Variants in MAP4 observed in about 807,000 individuals in gnomAD.
The protein encoded by MAP4 is microtubule associated protein 4, also known as microtubule-associated protein 4.
MAP4 carries 76 observed loss-of-function variants against 170.2 expected under a neutral mutation model. That is an observed-to-expected ratio of 0.45 (90% confidence interval 0.37 to 0.54). The LOEUF is 0.54. Ranked by LOEUF, MAP4 falls within the 20% of genes least tolerant of loss-of-function variation. MAP4 has a pLI of 0.00. For missense variants in MAP4, 2,506 were observed against 2,748.0 expected (o/e 0.91, Z 1.97); for synonymous variants, 909 against 994.5 (o/e 0.91, Z 1.62).
At chr3:48,085,838 C>T (rs1256089310) in intron 1 of MAP4, among the ~76,000 whole-genome samples, 5 of 151,984 alleles carry the variant, frequency 3.3e-5, no homozygotes, top group Admixed American at 2.6e-4. Context: ...AGGCGGAACA[C>T]GAGGTCAGGA....
intron 3 of MAP4, among the ~76,000 whole-genome samples, chr3:47,953,521 C>G (rs2100065845): frequency 6.6e-6 from 1 of 151,998 alleles, no homozygotes; most frequent in Non-Finnish European, 1.5e-5. Context: ...GAGCCTGTCT[C>G]TAAATAAATA....
At chr3:47,948,635 T>G (rs751083993) in intron 3 of MAP4, among the ~76,000 whole-genome samples, 4 of 151,522 alleles carry the variant, frequency 2.6e-5, no homozygotes, top group Non-Finnish European at 5.9e-5. Flanking sequence ...AATTTTCTTT[T>G]TTTTGAGACA....
intron 2 of MAP4, among the ~76,000 whole-genome samples, chr3:47,994,983 G>C (rs1296126329): frequency 6.6e-6 from 1 of 151,164 alleles, no homozygotes. Flanking sequence ...AACTCAGAAA[G>C]ACTACTCCAG....
intron 17 of MAP4, among the ~76,000 whole-genome samples, chr3:47,862,246 T>C (rs567231487): frequency 6.8e-6 from 1 of 146,334 alleles, no homozygotes; most frequent in South Asian, 2.1e-4. Context: ...TAGGAATATA[T>C]CCTAGAGAAA....
intron 1 of MAP4, among the ~76,000 whole-genome samples, chr3:48,045,188 G>GC (rs2100123780): frequency 6.6e-6 from 1 of 150,580 alleles, no homozygotes; most frequent in East Asian, 1.9e-4. Context: ...AACCCAGGAG[G>GC]CGGAGGTTGC....
intron 3 of MAP4, among the ~76,000 whole-genome samples, chr3:47,937,656 C>CTTTTTTT (rs71070243): frequency 3.8e-4 from 41 of 107,904 alleles, no homozygotes; most frequent in Non-Finnish European, 4.9e-4. Flanking sequence ...TTTTCTTCTT[C>CTTTTTTT]TTTTTTTTTT....
intron 3 of MAP4, among the ~76,000 whole-genome samples, chr3:47,966,789 T>C (rs1281135695): frequency 6.6e-6 from 1 of 152,224 alleles, no homozygotes; most frequent in African/African-American, 2.4e-5. Flanking sequence ...CATCTTACCA[T>C]GTATAAAAGA....
intron 3 of MAP4, among the ~76,000 whole-genome samples, chr3:47,934,349 C>T (rs2100051537): frequency 6.6e-6 from 1 of 152,202 alleles, no homozygotes; most frequent in African/African-American, 2.4e-5. Context: ...GTCTCCCAGG[C>T]TGGAATCCAG....
intron 1 of MAP4, among the ~76,000 whole-genome samples, chr3:48,030,034 T>G (rs1293063478): frequency 6.8e-6 from 1 of 147,764 alleles, no homozygotes. Context: ...TATATTCATA[T>G]GTAATATTAT....
intron 10 of MAP4, among the ~76,000 whole-genome samples, chr3:47,887,602 C>T (rs370537387): frequency 6.6e-6 from 1 of 152,240 alleles, no homozygotes; most frequent in African/African-American, 2.4e-5. Flanking sequence ...CGCACCACGG[C>T]GCAGGACTGG....
At chr3:47,995,637 A>T (rs1475421353) in intron 2 of MAP4, among the ~76,000 whole-genome samples, 3 of 152,112 alleles carry the variant, frequency 2.0e-5, no homozygotes, top group African/African-American at 7.2e-5. Flanking sequence ...CAACACACAA[A>T]TTAAACATAT....
chr3:48,018,977 T>C (rs2154473293), upstream of MAP4, among the ~76,000 whole-genome samples: 1 of 152,230 alleles, frequency 6.6e-6, no homozygotes, highest in East Asian at 1.9e-4. Flanking sequence ...GCAATAAAAA[T>C]AGCTCTCTCT....
intron 1 of MAP4, among the ~76,000 whole-genome samples, chr3:48,056,663 G>C (rs1252181648): frequency 1.3e-4 from 16 of 123,518 alleles, no homozygotes; most frequent in South Asian, 8.0e-4. Context: ...TGGGAGGGAG[G>C]TGGGGGGGTC....
intron 1 of MAP4, among the ~76,000 whole-genome samples, chr3:48,087,266 A>C (rs934521804): frequency 6.6e-6 from 1 of 152,232 alleles, no homozygotes; most frequent in Admixed American, 6.5e-5. Context: ...AGTAAAGTAC[A>C]CACTGCACAG....
chr3:47,951,391 T>C (rs1335670598), intron 3 of MAP4, among the ~76,000 whole-genome samples: 1 of 152,170 alleles, frequency 6.6e-6, no homozygotes, highest in African/African-American at 2.4e-5. Flanking sequence ...GGTCTCCCTC[T>C]GATGCCGAGC....
chr3:48,087,263 T>G (rs1187621646), intron 1 of MAP4, among the ~76,000 whole-genome samples: 1 of 152,178 alleles, frequency 6.6e-6, no homozygotes, highest in Non-Finnish European at 1.5e-5. Flanking sequence ...GCAAGTAAAG[T>G]ACACACTGCA....
chr3:47,958,603 G>A (rs923114714), intron 3 of MAP4, among the ~76,000 whole-genome samples: 3 of 151,880 alleles, frequency 2.0e-5, no homozygotes, highest in Middle Eastern at 3.4e-3. Context: ...TGCAACCTCC[G>A]CCTCCCAGCT....
chr3:48,054,968 T>A (rs976966095), intron 1 of MAP4, among the ~76,000 whole-genome samples: 1 of 152,166 alleles, frequency 6.6e-6, no homozygotes, highest in African/African-American at 2.4e-5. Flanking sequence ...CTACCCGTTC[T>A]AGCAAAGGCC....
intron 16 of MAP4, 48 bp downstream of exon 16, chr3:47,869,166 G>T (rs2086166320): frequency 7.1e-7 from 1 of 1,407,962 alleles, no homozygotes; most frequent in Non-Finnish European, 1.0e-6. Context: ...GCTGGAAGAA[G>T]TATTTTACCA....
Sources: allele counts gnomAD v4.1 joint callset (sites outside exome capture counted in the v4.1 genomes callset), GRCh38; gene constraint gnomAD v4.1.1; transcripts MANE v1.5; gene names NCBI Gene and HGNC (gene_info 2026-07-23, HGNC 2026-07-21).